The following DIDO1 variants were observed in gnomAD, a reference collection of about 807,000 sequenced individuals.
The protein encoded by DIDO1 is death inducer-obliterator 1.
Under a neutral mutation model 99.4 loss-of-function variants are expected in DIDO1, and 16 were observed. The observed-to-expected ratio is 0.16, with a 90% CI of 0.11 to 0.24. The LOEUF (loss-of-function observed/expected upper bound fraction) is 0.24. Among genes scored for constraint, DIDO1 ranks in the 10% least tolerant of loss-of-function variants. The pLI, the probability that DIDO1 is intolerant of heterozygous loss-of-function variation, is 1.00. For missense variants in DIDO1, 2,996 were observed against 3,014.0 expected (o/e 0.99, Z 0.14); for synonymous variants, 1,366 against 1,239.1 (o/e 1.10, Z -2.15).
chr20:62,912,821 T>C (rs1271958897), intron 2 of DIDO1, among the ~76,000 whole-genome samples: 5 of 152,116 alleles, frequency 3.3e-5, no homozygotes, highest in African/African-American at 9.7e-5. Context: ...CACTTGAGGT[T>C]AGGAGTTCGA....
intron 1 of DIDO1, among the ~76,000 whole-genome samples, chr20:62,918,016 T>C (rs919790207): frequency 1.3e-5 from 2 of 152,240 alleles, no homozygotes; most frequent in Non-Finnish European, 2.9e-5. Flanking sequence ...AAAGCAGTAA[T>C]ACATACCTAT....
chr20:62,889,337 C>T (rs529150235), intron 15 of DIDO1: 17 of 983,206 alleles, frequency 1.7e-5, no homozygotes, highest in Middle Eastern at 5.2e-4. Context: ...ACCCGGTGCC[C>T]GGCATGCGCC....
intron 6 of DIDO1, among the ~76,000 whole-genome samples, chr20:62,899,462 G>A (rs927594217): frequency 3.9e-5 from 6 of 152,104 alleles, no homozygotes; most frequent in African/African-American, 1.4e-4. Flanking sequence ...GGCGTCCATG[G>A]CCACACTCAG....
At chr20:62,902,422 T>C (rs2064703600) in intron 6 of DIDO1, among the ~76,000 whole-genome samples, 1 of 152,238 alleles carries the variant, frequency 6.6e-6, no homozygotes, top group South Asian at 2.1e-4. Flanking sequence ...TAGAGTCTGA[T>C]GACTCCCAGT....
intron 1 of DIDO1, among the ~76,000 whole-genome samples, chr20:62,914,674 C>T (rs929915989): frequency 2.0e-5 from 3 of 152,114 alleles, no homozygotes; most frequent in Non-Finnish European, 4.4e-5. Context: ...GGGAGGCAGG[C>T]AGAGGCCCAG....
intron 1 of DIDO1, among the ~76,000 whole-genome samples, chr20:62,924,131 T>G (rs1381916957): frequency 3.3e-5 from 5 of 152,252 alleles, no homozygotes; most frequent in Non-Finnish European, 7.3e-5. Context: ...ATAGAACTTT[T>G]GTAATGCAAT....
rs1307690515 is a variant in DIDO1 at position 62,878,064 on chromosome 20, A to G, written c.*1169T>C. ...TCTCAATGTTTTCTTAACTTAAAAAATCTGTGCTATAAAGTGAAAAATCTG... is the reference window on the plus strand; with the variant it reads ...TCTCAATGTTTTCTTAACTTAAAAAGTCTGTGCTATAAAGTGAAAAATCTG... On this transcript the variant is annotated 3_prime_UTR_variant, in exon 16 of 16. Transcript: ENST00000395343. 1 of 152,244 alleles carries G rather than the reference A, an allele frequency of 6.6e-6. No individual in the cohort carries two copies. Among genetic ancestry groups the G allele is most frequent in the Non-Finnish European group, 1.5e-5 (1 of 68,044 alleles). 9.4% of individuals were successfully genotyped at this position (152,244 alleles called of 1,614,324 possible). A position where few individuals can be genotyped will look rare whatever the true frequency, so the allele number is the denominator to read the frequency against.
At chr20:62,889,152 T>G in intron 15 of DIDO1, 8 of 985,486 alleles carry the variant, frequency 8.1e-6, no homozygotes, top group Non-Finnish European at 9.6e-6. Flanking sequence ...GCAGACAAGG[T>G]GAGTGACCCC....
At position 62,879,291 on chromosome 20, in the gene DIDO1, C is replaced by G. The variant is rs1338115193; in HGVS notation, c.6665G>C (p.Arg2222Pro). ...KDRSKSKESARDPKPEASRAS... is the reference protein window; with the variant it reads ...KDRSKSKESAPDPKPEASRAS... The stretch of plus-strand genomic sequence containing the variant: ...CCTCGAGGCCTCGGGCTTCGGGTCC[C>G]GAGCGCTCTCTTTGCTCTTGCTCCG... The change falls in exon 16 of 16, where the codon CGG becomes CCG. Residue 2222 changes from arginine to proline, a missense_variant. Around this residue, in one of 5 missense-constraint regions of DIDO1, gnomAD observed 1,562 missense variants for 1,412.6 expected, o/e 1.11. Coordinates refer to ENST00000395343, the MANE Select transcript of DIDO1 (RefSeq NM_001193369.2). This position sits in a 1 kb window ranked among gnomAD's most constrained non-coding sequence, Gnocchi z 6.3. The G allele has an allele frequency of 6.3e-7, 1 of 1,579,630 alleles. No individual in the cohort carries two copies. The highest frequency in any genetic ancestry group is 1.7e-4 in the Middle Eastern group (1 of 6,010).
intron 2 of DIDO1, among the ~76,000 whole-genome samples, chr20:62,912,129 G>A (rs907157045): frequency 3.9e-5 from 6 of 152,174 alleles, no homozygotes; most frequent in Non-Finnish European, 8.8e-5. Context: ...GTATGGGCTG[G>A]CCACCACCAT....
intron 1 of DIDO1, among the ~76,000 whole-genome samples, chr20:62,916,567 A>G (rs2065041609): frequency 6.6e-6 from 1 of 152,262 alleles, no homozygotes; most frequent in Admixed American, 6.5e-5. Flanking sequence ...GTATCTTTAA[A>G]TGAAAGTTAT....
In DIDO1 at chr20:62,881,934, C is replaced by A; in HGVS notation, c.4022G>T (p.Gly1341Val). The A allele has an allele frequency of 6.2e-7, 1 of 1,613,362 alleles. No individual in the cohort carries two copies. ...TGTGGTTTTGGGCTCCTGGGGGAGA[C>A]CTGCGGTGGACCCGGGAGGCTCTCT... ...SAREPPGSTA[G>V]LPQEPKTTAE... The change falls in exon 16 of 16, where the codon GGT (glycine) becomes GTT (valine). Residue 1341 changes from glycine to valine, a missense_variant. Around this residue, in one of 5 missense-constraint regions of DIDO1, gnomAD observed 1,562 missense variants for 1,412.6 expected, o/e 1.11. Transcript: ENST00000395343. The surrounding 1 kb of genome is among the most constrained non-coding windows in gnomAD (Gnocchi z 8.3).
At chr20:62,886,817 G>A (rs968612936) in intron 15 of DIDO1, among the ~76,000 whole-genome samples, 1 of 152,224 alleles carries the variant, frequency 6.6e-6, no homozygotes, top group Admixed American at 6.5e-5. Flanking sequence ...CGGTGTGGAA[G>A]TTAATCAACA....
intron 1 of DIDO1, among the ~76,000 whole-genome samples, chr20:62,935,353 A>G (rs924443045): frequency 6.6e-6 from 1 of 152,152 alleles, no homozygotes; most frequent in African/African-American, 2.4e-5. Context: ...TGGAGCTCCT[A>G]TTACGATTTA....
At chr20:62,937,028 G>C (rs1292854106) in intron 1 of DIDO1, among the ~76,000 whole-genome samples, 2 of 152,228 alleles carry the variant, frequency 1.3e-5, no homozygotes, top group Non-Finnish European at 2.9e-5. Context: ...TCCAAAATCA[G>C]TCTCCTCCAA....
chr20:62,905,272 G>A (rs1358697429), intron 6 of DIDO1: 25 of 1,366,962 alleles, frequency 1.8e-5, no homozygotes, highest in Non-Finnish European at 2.3e-5. Flanking sequence ...GGCCTATGAA[G>A]CAGGAGTGTG....
intron 15 of DIDO1, among the ~76,000 whole-genome samples, chr20:62,883,566 C>G (rs962332618): frequency 3.3e-5 from 5 of 152,270 alleles, no homozygotes; most frequent in Middle Eastern, 6.8e-3. Context: ...GTGGCTCACG[C>G]CTGTAATCCC....
chr20:62,905,827 G>A lies in DIDO1; in HGVS notation c.1588+60C>T, dbSNP rs765933664. ...ACTCCCAGTCCTGGACAGGCCCAGG[G>A]GATGGCTATCCAGAAAGAACGGGAG... On this transcript the variant is annotated intron_variant, in intron 6 of 15. Transcript: ENST00000395343. 1.1e-5 allele frequency: 18 copies of A among 1,613,842 alleles called. No individual in the cohort carries two copies. The Middle Eastern group carries it at 9.9e-4, about 88-fold the overall frequency.
chr20:62,899,807 A>G (rs1205873510), intron 6 of DIDO1, among the ~76,000 whole-genome samples: 1 of 152,178 alleles, frequency 6.6e-6, no homozygotes, highest in East Asian at 1.9e-4. Flanking sequence ...AGAAAGCCCC[A>G]TTCCTGCTCT....
Sources: allele counts gnomAD v4.1 joint callset (sites outside exome capture counted in the v4.1 genomes callset), GRCh38; gene constraint gnomAD v4.1.1; regional missense constraint gnomAD v4.1.1; non-coding constraint Gnocchi (gnomAD v3.1); transcripts MANE v1.5; gene names NCBI Gene and HGNC (gene_info 2026-07-23, HGNC 2026-07-21).